KIAA0825: variants seen among roughly 807,000 people sequenced by gnomAD.
KIAA0825 encodes the protein KIAA0825.
KIAA0825 carries 119 observed loss-of-function variants against 147.6 expected under a neutral mutation model. The observed-to-expected ratio is 0.81, with a 90% CI of 0.69 to 0.94. KIAA0825 has a LOEUF of 0.94. Among genes scored for constraint, KIAA0825 ranks in the 40% least tolerant of loss-of-function variants. The probability of loss-of-function intolerance (pLI) is 0.00; values close to 1 mark genes in which losing one functional copy is unlikely to be tolerated. For synonymous variants in KIAA0825, 470 were observed against 518.1 expected, an observed-to-expected ratio of 0.91 and a Z score of 1.26; for missense variants, 1,381 against 1,472.7, an observed-to-expected ratio of 0.94 and a Z score of 1.02.
intron 12 of KIAA0825, among the ~76,000 whole-genome samples, chr5:94,455,394 G>A (rs544208586): frequency 2.0e-5 from 3 of 152,270 alleles, no homozygotes; most frequent in Admixed American, 6.5e-5. Flanking sequence ...GGTATGTATG[G>A]AGGACCCTGC....
chr5:94,512,613 A>T (rs542367013), intron 5 of KIAA0825, among the ~76,000 whole-genome samples: 255 of 150,008 alleles, frequency 1.7e-3, no homozygotes, highest in African/African-American at 5.6e-3. Context: ...AAAAAAAAAA[A>T]GGCAGAGTGT....
intron 1 of KIAA0825, among the ~76,000 whole-genome samples, chr5:94,613,530 A>C (rs1789511603): frequency 1.3e-5 from 2 of 152,092 alleles, no homozygotes; most frequent in Non-Finnish European, 2.9e-5. Flanking sequence ...CAAAGTCTGC[A>C]TTTGGCTTTA....
rs1037361570 is a variant in KIAA0825 at position 94,616,239 on chromosome 5, G to T, written c.-153+2261C>A. 1.3e-5 allele frequency among the ~76,000 whole-genome samples: 2 copies of T among 152,138 alleles called. 1 individual carries two copies. The highest frequency in any genetic ancestry group is 4.1e-4 in the South Asian group (2 of 4,834). ...ATTTCAGGCTAGCTATACCTATACA[G>T]TTGTAAAACAGGATATTCTTTAGAA... On this transcript the variant is annotated intron_variant, in intron 1 of 20. Coordinates refer to ENST00000682413, the MANE Select transcript of KIAA0825 (RefSeq NM_001145678.3).
In KIAA0825 at chr5:94,470,246, C is replaced by G. The variant is rs184481946; in HGVS notation, c.1722-135G>C. 503 of 546,722 alleles carry G rather than the reference C, an allele frequency of 9.2e-4. 3 individuals are homozygous for G. The highest frequency in any genetic ancestry group is 8.9e-3 in the African/African-American group (456 of 51,128). 33.9% of individuals were successfully genotyped at this position (546,722 alleles called of 1,614,324 possible). On this transcript the variant is annotated intron_variant, in intron 9 of 20. Transcript: ENST00000682413. ...TCCTCTTAATGCTGAAGTCTGCATC[C>G]ACATTCACTTTCCAAAAAGGAAAAA...
At chr5:94,215,262 G>A (rs544303960) in intron 20 of KIAA0825, among the ~76,000 whole-genome samples, 1 of 152,166 alleles carries the variant, frequency 6.6e-6, no homozygotes, top group Non-Finnish European at 1.5e-5. Flanking sequence ...GCTAATGAAA[G>A]TAGTAAAAAT....
At chr5:94,322,821 T>A (rs1314174509) in intron 20 of KIAA0825, among the ~76,000 whole-genome samples, 2 of 151,940 alleles carry the variant, frequency 1.3e-5, no homozygotes, top group Non-Finnish European at 2.9e-5. Context: ...GTGATGCTTA[T>A]CCTTTTCTAT....
chr5:94,602,648 T>G (rs79360985), intron 1 of KIAA0825, among the ~76,000 whole-genome samples: 2,960 of 152,260 alleles, frequency 0.019, 77 homozygotes, highest in African/African-American at 0.058. Flanking sequence ...CACTTGGCTC[T>G]CATCTCTCTC....
intron 20 of KIAA0825, among the ~76,000 whole-genome samples, chr5:94,271,010 A>AT (rs1010732883): frequency 1.7e-4 from 26 of 152,212 alleles, no homozygotes; most frequent in African/African-American, 2.4e-4. Context: ...AGAAAAATGT[A>AT]TTTTTTTAGA....
chr5:94,382,398 C>T (rs147616446), intron 20 of KIAA0825, among the ~76,000 whole-genome samples: 22 of 152,276 alleles, frequency 1.4e-4, no homozygotes, highest in African/African-American at 5.3e-4. Context: ...CTAACAATTT[C>T]CTTACCGGTT....
chr5:94,481,464 T>C (rs1263762900), intron 6 of KIAA0825, among the ~76,000 whole-genome samples: 1 of 152,098 alleles, frequency 6.6e-6, no homozygotes, highest in Non-Finnish European at 1.5e-5. Flanking sequence ...CTGTTCTTTT[T>C]CTGGCTCACA....
chr5:94,465,447 A>AT (rs1264714360), intron 10 of KIAA0825, among the ~76,000 whole-genome samples: 1 of 152,190 alleles, frequency 6.6e-6, no homozygotes, highest in Non-Finnish European at 1.5e-5. Flanking sequence ...CAGTAGGTAT[A>AT]TTTTTCTGAG....
At chr5:94,417,489 A>T (rs925547716) in intron 14 of KIAA0825, 124 bp from the exon 15 acceptor site, 18 of 709,892 alleles carry the variant, frequency 2.5e-5, no homozygotes, top group Non-Finnish European at 3.7e-5. Flanking sequence ...GATTTACATA[A>T]AAAGAGAATT....
rs1283735522 is a variant in KIAA0825, at chr5:94,396,089, AC to A, written c.3296+11del. On this transcript the variant is annotated intron_variant, in intron 17 of 20. Transcript: ENST00000682413. Reference sequence around the variant, plus strand: ...TTTGATGAAATCCAATAAGAGAAAAACATCACTTTACCATTCAGTGCTCAGT... The same window carrying A: ...TTTGATGAAATCCAATAAGAGAAAAAATCACTTTACCATTCAGTGCTCAGT... 2.1e-6 allele frequency: 3 copies of A among 1,424,846 alleles called. No homozygotes were observed. The highest frequency in any genetic ancestry group is 2.8e-6 in the Non-Finnish European group (3 of 1,087,698). 88.3% of individuals were successfully genotyped at this position (1,424,846 alleles called of 1,614,324 possible). A position where few individuals can be genotyped will look rare whatever the true frequency, so the allele number is the denominator to read the frequency against.
Position 94,485,931 on chromosome 5 carries a change from A to G in KIAA0825, c.971-1001T>C, listed in dbSNP as rs190686422. 1.3e-4 allele frequency among the ~76,000 whole-genome samples: 19 copies of G among 151,964 alleles called. No homozygotes were observed. In the East Asian group the frequency reaches 3.1e-3, roughly 25 times the overall value. On this transcript the variant is annotated intron_variant, in intron 5 of 20. Transcript: ENST00000682413. ...TATCTATTATTTGCGTAAGAACAAT[A>G]CAACTTAAAGGTTGTTTTTTTGCCC...
intron 20 of KIAA0825, among the ~76,000 whole-genome samples, chr5:94,361,422 G>T (rs1745044159): frequency 6.6e-6 from 1 of 152,080 alleles, no homozygotes; most frequent in South Asian, 2.1e-4. Context: ...ATAGCATAAT[G>T]AAGAAAATGA....
chr5:94,550,792 A>G (rs1472225627), intron 2 of KIAA0825, among the ~76,000 whole-genome samples: 3 of 151,746 alleles, frequency 2.0e-5, no homozygotes, highest in African/African-American at 7.3e-5. Flanking sequence ...CAGTGAGCCC[A>G]GATCGCACCA....
At chr5:94,422,655 C>A (rs904547548) in intron 14 of KIAA0825, among the ~76,000 whole-genome samples, 2 of 152,114 alleles carry the variant, frequency 1.3e-5, no homozygotes, top group South Asian at 4.1e-4. Flanking sequence ...GTTTTTCTTT[C>A]CCTCTGCCTT....
At chr5:94,255,514 G>A (rs1776200144) in intron 20 of KIAA0825, among the ~76,000 whole-genome samples, 1 of 152,004 alleles carries the variant, frequency 6.6e-6, no homozygotes, top group African/African-American at 2.4e-5. Flanking sequence ...GAGATACGGT[G>A]TTGTGTGAAA....
At chr5:94,617,927 A>C (rs1475608515) in intron 1 of KIAA0825, 1 of 152,250 alleles carries the variant, frequency 6.6e-6, no homozygotes, top group African/African-American at 2.4e-5. Context: ...CTAATGCCCA[A>C]GCATGAAATT....
Sources: allele counts gnomAD v4.1 joint callset (sites outside exome capture counted in the v4.1 genomes callset), GRCh38; gene constraint gnomAD v4.1.1; transcripts MANE v1.5; gene names NCBI Gene and HGNC (gene_info 2026-07-23, HGNC 2026-07-21).